Variants in SMIM1 observed in about 807,000 individuals in gnomAD.
The protein encoded by SMIM1 is small integral membrane protein 1 (Vel blood group), also known as small integral membrane protein 1.
A neutral mutation model predicts 7.7 loss-of-function variants in SMIM1; 7 were observed. The observed-to-expected ratio is 0.91, with a 90% confidence interval of 0.52 to 1.71. The LOEUF (loss-of-function observed/expected upper bound fraction) is 1.71, where lower values mean the gene tolerates loss of function less well. Ranked by LOEUF, SMIM1 falls within the 40% of genes most tolerant of loss-of-function variation. The probability of loss-of-function intolerance (pLI) is 0.00; values close to 1 mark genes in which losing one functional copy is unlikely to be tolerated. For synonymous variants in SMIM1, 41 were observed against 42.7 expected (o/e 0.96, Z 0.16); for missense variants, 95 against 102.8 (o/e 0.92, Z 0.33).
In SMIM1 at chr1:3,775,905, T is replaced by A. The variant is rs1643452083; in HGVS notation, c.221T>A (p.Val74Glu). 4 of 1,550,028 alleles carry A rather than the reference T, an allele frequency of 2.6e-6. No individual in the cohort carries two copies. The South Asian group carries it at 4.8e-5, about 18-fold the overall frequency. Reference protein sequence around the residue: ...FILGYLTGYYVHKCK With the variant: ...FILGYLTGYYEHKCK ...CTGGGCTACCTCACAGGCTACTATG[T>A]GCACAAGTGCAAATAAATGCTGCCC... The change falls in exon 4 of 4, where the codon GTG (valine) becomes GAG (glutamate). Residue 74 changes from valine (V) to glutamate (E), a missense_variant. Val to Glu is a moderately radical substitution (Grantham distance 121, BLOSUM62 -2). Coordinates refer to ENST00000642557, the MANE Select transcript of SMIM1 (RefSeq NM_001288583.2). This position sits in a 1 kb window ranked among gnomAD's most constrained non-coding sequence, Gnocchi z 5.3.
At position 3,775,901 on chromosome 1, in the gene SMIM1, T is replaced by C. The variant is rs932012916; in HGVS notation, c.217T>C (p.Tyr73His). Residue 73 changes from tyrosine to histidine, a missense_variant, in exon 4 of 4, where the codon TAT (tyrosine) becomes CAT (histidine). Physicochemically the swap from Tyr to His is moderately conservative, Grantham distance 83 (BLOSUM62 2). Coordinates refer to ENST00000642557, the MANE Select transcript of SMIM1 (RefSeq NM_001288583.2). The surrounding 1 kb of genome is among the most constrained non-coding windows in gnomAD (Gnocchi z 5.3). ...IFILGYLTGYYVHKCK is the reference protein window; with the variant it reads ...IFILGYLTGYHVHKCK The stretch of plus-strand genomic sequence containing the variant: ...CATCCTGGGCTACCTCACAGGCTAC[T>C]ATGTGCACAAGTGCAAATAAATGCT... 11 of 1,550,208 alleles carry C rather than the reference T, an allele frequency of 7.1e-6. No homozygotes were observed. The East Asian group carries it at 2.7e-4, about 38-fold the overall frequency.
Position 3,775,605 on chromosome 1 carries a change from G to A in SMIM1, c.110+122G>A, listed in dbSNP as rs1643446419. On this transcript the variant is annotated intron_variant, in intron 3 of 3. Coordinates refer to ENST00000642557, the MANE Select transcript of SMIM1 (RefSeq NM_001288583.2). This position sits in a 1 kb window ranked among gnomAD's most constrained non-coding sequence, Gnocchi z 5.3. ...ACCCCATCCTGGCTGGGAGCCCACG[G>A]TCCAGCAGCTCAGCAAACCGCAGCC... The A allele has an allele frequency of 2.3e-6, 3 of 1,278,560 alleles. No individual in the cohort carries two copies. The highest frequency in any genetic ancestry group is 1.1e-6 in the Non-Finnish European group (1 of 943,918). 79.2% of individuals were successfully genotyped at this position (1,278,560 alleles called of 1,614,324 possible). A position where few individuals can be genotyped will look rare whatever the true frequency, so the allele number is the denominator to read the frequency against.
rs113951471 is a variant in SMIM1 at position 3,775,570 on chromosome 1, A to G, written c.110+87A>G. ...TGCCCTAACCCCTGCTACCGGCCCCATCACCCTCCACCCCATCCTGGCTGG... is the reference window on the plus strand; with the variant it reads ...TGCCCTAACCCCTGCTACCGGCCCCGTCACCCTCCACCCCATCCTGGCTGG... On this transcript the variant is annotated intron_variant, in intron 3 of 3. Coordinates refer to ENST00000642557, the MANE Select transcript of SMIM1 (RefSeq NM_001288583.2). The surrounding 1 kb of genome is among the most constrained non-coding windows in gnomAD (Gnocchi z 5.3). 35 of 1,326,996 alleles carry G rather than the reference A, an allele frequency of 2.6e-5. 1 individual carries two copies. Among genetic ancestry groups the G allele is most frequent in the African/African-American group, 2.2e-4 (15 of 68,214 alleles). 82.2% of individuals were successfully genotyped at this position (1,326,996 alleles called of 1,614,324 possible).
Position 3,775,757 on chromosome 1 carries a change from C to T in SMIM1, c.111-38C>T. On this transcript the variant is annotated intron_variant, in intron 3 of 3. Coordinates refer to ENST00000642557, the MANE Select transcript of SMIM1 (RefSeq NM_001288583.2). The surrounding 1 kb of genome is among the most constrained non-coding windows in gnomAD (Gnocchi z 5.3). ...CACTTAGGGGGCCCCTCATGCGGCC[C>T]TGGCCTGGGGCTCACCTCCAGTTGG... 1 of 1,542,306 alleles carries T rather than the reference C, an allele frequency of 6.5e-7. No homozygotes were observed. The highest frequency in any genetic ancestry group is 8.7e-7 in the Non-Finnish European group (1 of 1,144,276).
chr1:3,775,302 A>T lies in SMIM1; in HGVS notation c.-72A>T. On this transcript the variant is annotated 5_prime_UTR_variant, in exon 3 of 4. The change creates a new upstream start codon in the 5' untranslated region. Coordinates refer to ENST00000642557, the MANE Select transcript of SMIM1 (RefSeq NM_001288583.2). The surrounding 1 kb of genome is among the most constrained non-coding windows in gnomAD (Gnocchi z 5.3). Reference sequence around the variant, plus strand: ...CCTCCATCCGCTTGTTTTACAGTGAAGCCACAGCCTGGCCACCTGTCTTGA... The same window carrying T: ...CCTCCATCCGCTTGTTTTACAGTGATGCCACAGCCTGGCCACCTGTCTTGA... The T allele has an allele frequency of 8.4e-7, 1 of 1,194,240 alleles. No homozygotes were observed. Among genetic ancestry groups the T allele is most frequent in the South Asian group, 1.4e-5 (1 of 71,204 alleles). The allele number at this position is 1,194,240 out of a possible 1,614,324, so 74.0% of individuals were successfully genotyped here.
Position 3,775,373 on chromosome 1 carries a change from C to A in SMIM1, c.-1C>A. 3 of 1,548,804 alleles carry A rather than the reference C, an allele frequency of 1.9e-6. No homozygotes were observed. Among genetic ancestry groups the A allele is most frequent in the Non-Finnish European group, 2.6e-6 (3 of 1,145,788 alleles). On this transcript the variant is annotated 5_prime_UTR_variant, in exon 3 of 4. Transcript: ENST00000642557. The surrounding 1 kb of genome is among the most constrained non-coding windows in gnomAD (Gnocchi z 5.3). ...CGCCCCTCCCGCTGCAGCCCCACAGCATGCAGCCCCAGGAGAGCCACGTCC... is the reference window on the plus strand; with the variant it reads ...CGCCCCTCCCGCTGCAGCCCCACAGAATGCAGCCCCAGGAGAGCCACGTCC...
rs1426157444 is a variant in SMIM1 at position 3,775,515 on chromosome 1, A to G, written c.110+32A>G. ...GGCCTGAGGGCAGCCTGCCAGCCAT[A>G]GCAGGCTGGTGTCTCCCTCCAGAGA... On this transcript the variant is annotated intron_variant, in intron 3 of 3. Transcript: ENST00000642557. The surrounding 1 kb of genome is among the most constrained non-coding windows in gnomAD (Gnocchi z 5.3). 6.6e-7 allele frequency: 1 copy of G among 1,511,412 alleles called. No individual in the cohort carries two copies. Among genetic ancestry groups the G allele is most frequent in the African/African-American group, 1.4e-5 (1 of 72,396 alleles). The allele number at this position is 1,511,412 out of a possible 1,614,324, so 93.6% of individuals were successfully genotyped here.
rs181112714 is a variant in SMIM1, at chr1:3,773,875, G to A, written c.-76+694G>A. Among the ~76,000 whole-genome samples the A allele has an allele frequency of 4.5e-3, 679 of 152,300 alleles. 1 individual carries two copies. Among genetic ancestry groups the A allele is most frequent in the African/African-American group, 0.016 (646 of 41,560 alleles). ...GTGAACCTCGGGTAGGCAGCTGACC[G>A]CTCCACATGCTCCGGGAAAACAGCA... On this transcript the variant is annotated intron_variant, in intron 2 of 3. Coordinates refer to ENST00000642557, the MANE Select transcript of SMIM1 (RefSeq NM_001288583.2).
Position 3,775,806 on chromosome 1 carries a change from G to A in SMIM1, c.122G>A (p.Arg41Lys). The A allele has an allele frequency of 1.3e-6, 2 of 1,550,476 alleles. No individual in the cohort carries two copies. Among genetic ancestry groups the A allele is most frequent in the Non-Finnish European group, 1.7e-6 (2 of 1,146,896 alleles). Residue 41 changes from arginine to lysine, a missense_variant, in exon 4 of 4, where the codon AGG becomes AAG. By Grantham distance (26) the Arg-to-Lys change is conservative. Transcript: ENST00000642557. The surrounding 1 kb of genome is among the most constrained non-coding windows in gnomAD (Gnocchi z 5.3). ...GGTTCTCACCCCAGGATCTCCCAGA[G>A]GCTGTGCACGGGCAAGCTGGGCATC... ...EASRCRRISQ[R>K]LCTGKLGIAM...
Position 3,775,344 on chromosome 1 carries a change from G to T in SMIM1, c.-30G>T, listed in dbSNP as rs771452092. 2.6e-6 allele frequency: 4 copies of T among 1,526,864 alleles called. No homozygotes were observed. The highest frequency in any genetic ancestry group is 3.5e-6 in the Non-Finnish European group (4 of 1,129,500). The allele number at this position is 1,526,864 out of a possible 1,614,324, so 94.6% of individuals were successfully genotyped here. ...CTGTCTTGATCTCCCCACCGAGAAG[G>T]CCCCGCCCCTCCCGCTGCAGCCCCA... On this transcript the variant is annotated 5_prime_UTR_variant, in exon 3 of 4. Transcript: ENST00000642557. The surrounding 1 kb of genome is among the most constrained non-coding windows in gnomAD (Gnocchi z 5.3).
At position 3,775,782 on chromosome 1, in the gene SMIM1, GTTCTCACC is replaced by G; in HGVS notation, c.111-12_111-5del. On this transcript the variant is annotated splice_region_variant and splice_polypyrimidine_tract_variant and intron_variant, in intron 3 of 3. Transcript: ENST00000642557. The surrounding 1 kb of genome is among the most constrained non-coding windows in gnomAD (Gnocchi z 5.3). ...CTGGCCTGGGGCTCACCTCCAGTTG[GTTCTCACC>G]CCAGGATCTCCCAGAGGCTGTGCAC... is the stretch of plus-strand genomic sequence containing the variant. 6.5e-7 allele frequency: 1 copy of G among 1,548,824 alleles called. No individual in the cohort carries two copies. Among genetic ancestry groups the G allele is most frequent in the Non-Finnish European group, 8.7e-7 (1 of 1,146,624 alleles).
In SMIM1 at chr1:3,775,427, G is replaced by C; in HGVS notation, c.54G>C (p.Arg18Ser). The C allele has an allele frequency of 6.4e-7, 1 of 1,550,574 alleles. No individual in the cohort carries two copies. Among genetic ancestry groups the C allele is most frequent in the East Asian group, 2.4e-5 (1 of 40,896 alleles). The change falls in exon 3 of 4, where the codon AGG (arginine) becomes AGC (serine). Residue 18 changes from arginine (R) to serine (S), a missense_variant. By Grantham distance (110) the Arg-to-Ser change is moderately radical (BLOSUM62 -1). Coordinates refer to ENST00000642557, the MANE Select transcript of SMIM1 (RefSeq NM_001288583.2). The surrounding 1 kb of genome is among the most constrained non-coding windows in gnomAD (Gnocchi z 5.3). ...VHYSRWEDGS[R>S]DGVSLGAVSS... is the part of the protein sequence containing the mutation. ...ATAGTAGGTGGGAGGACGGCAGCAG[G>C]GACGGAGTCAGCCTAGGGGCTGTGT... is the stretch of plus-strand genomic sequence containing the variant.
chr1:3,773,638 C>G (rs1393065232), intron 2 of SMIM1, among the ~76,000 whole-genome samples: 3 of 152,144 alleles, frequency 2.0e-5, no homozygotes, highest in African/African-American at 7.2e-5. Flanking sequence ...GCCATCACGT[C>G]GAGTCTGGAA....
In SMIM1 at chr1:3,775,316, C is replaced by G. The variant is rs562193240; in HGVS notation, c.-58C>G. 1 of 1,351,368 alleles carries G rather than the reference C, an allele frequency of 7.4e-7. No individual in the cohort carries two copies. Among genetic ancestry groups the G allele is most frequent in the African/African-American group, 1.5e-5 (1 of 67,828 alleles). 83.7% of individuals were successfully genotyped at this position (1,351,368 alleles called of 1,614,324 possible). ...TTTTACAGTGAAGCCACAGCCTGGCCACCTGTCTTGATCTCCCCACCGAGA... is the reference window on the plus strand; with the variant it reads ...TTTTACAGTGAAGCCACAGCCTGGCGACCTGTCTTGATCTCCCCACCGAGA... On this transcript the variant is annotated 5_prime_UTR_variant, in exon 3 of 4. Coordinates refer to ENST00000642557, the MANE Select transcript of SMIM1 (RefSeq NM_001288583.2). This position sits in a 1 kb window ranked among gnomAD's most constrained non-coding sequence, Gnocchi z 5.3.
rs543695662 is a variant in SMIM1 at position 3,775,850 on chromosome 1, G to T, written c.166G>T (p.Gly56Cys). Residue 56 changes from glycine to cysteine, a missense_variant, in exon 4 of 4, where the codon GGC (glycine) becomes TGC (cysteine). Transcript: ENST00000642557. This position sits in a 1 kb window ranked among gnomAD's most constrained non-coding sequence, Gnocchi z 5.3. ...KLGIAMKVLG[G>C]VALFWIIFIL... is the part of the protein sequence containing the mutation. Reference sequence around the variant, plus strand: ...GGGCATCGCCATGAAGGTGCTGGGCGGCGTGGCCCTCTTCTGGATCATCTT... The same window carrying T: ...GGGCATCGCCATGAAGGTGCTGGGCTGCGTGGCCCTCTTCTGGATCATCTT... 1.0e-5 allele frequency: 16 copies of T among 1,550,980 alleles called. No individual in the cohort carries two copies. Among genetic ancestry groups the T allele is most frequent in the Non-Finnish European group, 1.4e-5 (16 of 1,146,934 alleles).
In SMIM1 at chr1:3,775,892, A is replaced by C; in HGVS notation, c.208A>C (p.Thr70Pro). Residue 70 changes from threonine to proline, a missense_variant, in exon 4 of 4, where the codon ACA becomes CCA. By Grantham distance (38) the Thr-to-Pro change is conservative (BLOSUM62 -1). Transcript: ENST00000642557. The surrounding 1 kb of genome is among the most constrained non-coding windows in gnomAD (Gnocchi z 5.3). ...GATCATCTTCATCCTGGGCTACCTCACAGGCTACTATGTGCACAAGTGCAA... is the reference window on the plus strand; with the variant it reads ...GATCATCTTCATCCTGGGCTACCTCCCAGGCTACTATGTGCACAAGTGCAA... ...FWIIFILGYL[T>P]GYYVHKCK is the part of the protein sequence containing the mutation. The C allele has an allele frequency of 6.4e-7, 1 of 1,550,544 alleles. No homozygotes were observed. Among genetic ancestry groups the C allele is most frequent in the Non-Finnish European group, 8.7e-7 (1 of 1,146,892 alleles).
chr1:3,773,795 GC>G (rs1416688485), intron 2 of SMIM1, among the ~76,000 whole-genome samples: 2 of 152,194 alleles, frequency 1.3e-5, no homozygotes, highest in African/African-American at 4.8e-5. Context: ...GTTACCTGGG[GC>G]TGGCACATTG....
intron 2 of SMIM1, among the ~76,000 whole-genome samples, chr1:3,774,866 C>A (rs1435381893): frequency 7.1e-6 from 1 of 141,212 alleles, no homozygotes; most frequent in East Asian, 1.9e-4. Context: ...GCTGCCCTGC[C>A]CCACCCCCCC....
At chr1:3,773,880 A>G (rs1254824650) in intron 2 of SMIM1, among the ~76,000 whole-genome samples, 1 of 152,174 alleles carries the variant, frequency 6.6e-6, no homozygotes, top group Non-Finnish European at 1.5e-5. Context: ...TGACCGCTCC[A>G]CATGCTCCGG....
Sources: allele counts gnomAD v4.1 joint callset (sites outside exome capture counted in the v4.1 genomes callset), GRCh38; gene constraint gnomAD v4.1.1; non-coding constraint Gnocchi (gnomAD v3.1); transcripts MANE v1.5; gene names NCBI Gene and HGNC (gene_info 2026-07-23, HGNC 2026-07-21).